The following TLE1 variants were observed in gnomAD, a reference collection of about 807,000 sequenced individuals.
The protein encoded by TLE1 is TLE family member 1, transcriptional corepressor, also known as transducin-like enhancer protein 1.
A neutral mutation model predicts 89.8 loss-of-function variants in TLE1; 21 were observed. The ratio of observed to expected loss-of-function variants is 0.23; its 90% CI spans 0.17 to 0.34. The LOEUF is 0.34. TLE1 is among the 10% of genes least tolerant of loss of function. TLE1 has a pLI of 1.00. For missense variants in TLE1, 795 were observed against 1,031.2 expected (o/e 0.77, Z 3.14); for synonymous variants, 447 against 407.6 (o/e 1.10, Z -1.16).
intron 6 of TLE1, among the ~76,000 whole-genome samples, chr9:81,639,543 T>G (rs571435749): frequency 5.0e-4 from 76 of 151,884 alleles, no homozygotes; most frequent in African/African-American, 1.8e-3. Context: ...AGAACACACA[T>G]GCAAAAGTTT....
At chr9:81,628,359 A>T (rs1338385956) in intron 8 of TLE1, among the ~76,000 whole-genome samples, 2 of 152,188 alleles carry the variant, frequency 1.3e-5, no homozygotes, top group African/African-American at 2.4e-5. Flanking sequence ...GCCTTTGTAC[A>T]AAACTCATGT....
At chr9:81,645,983 A>C (rs925465816) in intron 6 of TLE1, among the ~76,000 whole-genome samples, 9 of 152,174 alleles carry the variant, frequency 5.9e-5, no homozygotes, top group African/African-American at 9.6e-5. Flanking sequence ...AAAATGAAGA[A>C]TATATAATGC....
At chr9:81,655,023 G>A (rs761015345) in intron 4 of TLE1, among the ~76,000 whole-genome samples, 83 of 152,212 alleles carry the variant, frequency 5.5e-4, no homozygotes, top group Admixed American at 1.2e-3. Flanking sequence ...GGGGTCAGCT[G>A]AACATAATAA....
intron 14 of TLE1, among the ~76,000 whole-genome samples, chr9:81,603,379 T>C (rs1167329459): frequency 2.6e-5 from 4 of 152,126 alleles, no homozygotes; most frequent in African/African-American, 7.2e-5. Context: ...TTTCGGTATA[T>C]TGGTTATATT....
chr9:81,680,699 A>C (rs1833504222), intron 4 of TLE1, among the ~76,000 whole-genome samples: 1 of 152,078 alleles, frequency 6.6e-6, no homozygotes, highest in Non-Finnish European at 1.5e-5. Flanking sequence ...AAATGCAGAG[A>C]GCTTTCTCTC....
At chr9:81,631,525 C>T (rs748846358) in intron 8 of TLE1, among the ~76,000 whole-genome samples, 11 of 152,168 alleles carry the variant, frequency 7.2e-5, no homozygotes, top group East Asian at 5.8e-4. Flanking sequence ...CACTCCTCCT[C>T]GATTCTCTGG....
rs56035615 is a variant in TLE1 at position 81,640,396 on chromosome 9, T to TA, written c.373-6096dup. ...TGATTCCACTAACAATTTCAAAAAT[T>TA]AAAAAAAAAAAAAAATCCTTGTATT... is the stretch of plus-strand genomic sequence containing the variant. On this transcript the variant is annotated intron_variant, in intron 6 of 19. Transcript: ENST00000376499. 7.9e-3 allele frequency among the ~76,000 whole-genome samples: 1,133 copies of TA among 142,608 alleles called. 8 individuals carry two copies. The highest frequency in any genetic ancestry group is 0.014 in the South Asian group (61 of 4,466). 93.6% of individuals were successfully genotyped at this position (142,608 alleles called of 152,430 possible).
At chr9:81,667,711 TCC>T (rs1831661975) in intron 4 of TLE1, among the ~76,000 whole-genome samples, 1 of 144,358 alleles carries the variant, frequency 6.9e-6, no homozygotes, top group African/African-American at 2.6e-5. Flanking sequence ...TGAGCTGTAT[TCC>T]TGCTCCCCCC....
chr9:81,604,332 C>G (rs1450251943), intron 14 of TLE1, among the ~76,000 whole-genome samples: 2 of 152,122 alleles, frequency 1.3e-5, no homozygotes, highest in South Asian at 2.1e-4. Flanking sequence ...TCTTAGTGAG[C>G]AGGTGATGTG....
chr9:81,608,684 C>G (rs1040942894), intron 14 of TLE1, among the ~76,000 whole-genome samples: 5 of 152,114 alleles, frequency 3.3e-5, no homozygotes, highest in African/African-American at 9.7e-5. Flanking sequence ...CGCCTGTAAT[C>G]GCAACACTTT....
intron 4 of TLE1, among the ~76,000 whole-genome samples, chr9:81,679,809 G>A (rs1317027623): frequency 1.3e-5 from 2 of 152,174 alleles, no homozygotes; most frequent in Non-Finnish European, 2.9e-5. Context: ...AAGCTTTGAG[G>A]AAAGCCAGTA....
At chr9:81,680,124 C>T (rs576305635) in intron 4 of TLE1, among the ~76,000 whole-genome samples, 2 of 152,194 alleles carry the variant, frequency 1.3e-5, no homozygotes, top group Non-Finnish European at 2.9e-5. Context: ...TGGCTCCCAC[C>T]ATGCGAGGGA....
At chr9:81,664,026 A>AATG (rs1831156253) in intron 4 of TLE1, among the ~76,000 whole-genome samples, 1 of 152,162 alleles carries the variant, frequency 6.6e-6, no homozygotes. Context: ...AGGCAGAAAG[A>AATG]ATGATGCATC....
chr9:81,611,664 G>T, intron 13 of TLE1, 105 bp downstream of exon 13: 1 of 1,142,272 alleles, frequency 8.8e-7, no homozygotes. Context: ...GGGGCTGGCT[G>T]CTCCTGCCCA....
chr9:81,638,673 G>A (rs1827712750), intron 6 of TLE1, among the ~76,000 whole-genome samples: 1 of 152,148 alleles, frequency 6.6e-6, no homozygotes, highest in South Asian at 2.1e-4. Context: ...TGCCCAGGCT[G>A]GAATACAGTG....
At chr9:81,686,881 T>C (rs1361924876) in intron 2 of TLE1, among the ~76,000 whole-genome samples, 1 of 152,170 alleles carries the variant, frequency 6.6e-6, no homozygotes, top group Non-Finnish European at 1.5e-5. Flanking sequence ...TGGGCAATGT[T>C]ATAAGCATCT....
chr9:81,632,394 AG>A (rs1160384183), intron 8 of TLE1, among the ~76,000 whole-genome samples: 3 of 151,654 alleles, frequency 2.0e-5, no homozygotes, highest in African/African-American at 4.8e-5. Flanking sequence ...TACACAGAAG[AG>A]GGGGGAAAAA....
chr9:81,648,466 C>T (rs1177503253), intron 6 of TLE1, among the ~76,000 whole-genome samples: 1 of 152,096 alleles, frequency 6.6e-6, no homozygotes, highest in Non-Finnish European at 1.5e-5. Context: ...AAAAATCAAG[C>T]TGTGCATTTC....
rs371624418 is a variant in TLE1, at chr9:81,585,855, C to T, written c.1978-200G>A. Reference sequence around the variant, plus strand: ...CTTTAGGAAACTGGAAACATTTGAACCCCTCTGTCTTTTGGGATAAAATTA... The same window carrying T: ...CTTTAGGAAACTGGAAACATTTGAATCCCTCTGTCTTTTGGGATAAAATTA... On this transcript the variant is annotated intron_variant, in intron 17 of 19. Transcript: ENST00000376499. Among the ~76,000 whole-genome samples, 4 of 152,190 alleles carry T rather than the reference C, an allele frequency of 2.6e-5. No individual in the cohort carries two copies. In the East Asian group the frequency reaches 7.7e-4, roughly 29 times the overall value.
Sources: allele counts gnomAD v4.1 joint callset (sites outside exome capture counted in the v4.1 genomes callset), GRCh38; gene constraint gnomAD v4.1.1; transcripts MANE v1.5; gene names NCBI Gene and HGNC (gene_info 2026-07-23, HGNC 2026-07-21).